DDX47: variants seen among roughly 807,000 people sequenced by gnomAD.
DDX47 encodes probable ATP-dependent RNA helicase DDX47.
Under a neutral mutation model 58.8 loss-of-function variants are expected in DDX47, and 60 were observed. The observed-to-expected ratio is 1.02, with a 90% CI of 0.83 to 1.26. DDX47 has a LOEUF of 1.26. DDX47 is among the 50% of genes most tolerant of loss of function. DDX47 has a pLI of 0.00. For missense variants in DDX47, 530 were observed against 573.2 expected (o/e 0.92, Z 0.77); for synonymous variants, 197 against 204.6 (o/e 0.96, Z 0.32).
intron 3 of DDX47, 106 bp from the exon 4 acceptor site, chr12:12,821,549 G>C: frequency 7.0e-7 from 1 of 1,426,252 alleles, no homozygotes; most frequent in Non-Finnish European, 9.8e-7. Context: ...TTAATTGTAA[G>C]GGAAGAACAA....
At position 12,829,697 on chromosome 12, in the gene DDX47, T is replaced by G; in HGVS notation, c.*143T>G. 9.3e-7 allele frequency: 1 copy of G among 1,072,440 alleles called. No individual in the cohort carries two copies. Among genetic ancestry groups the G allele is most frequent in the Non-Finnish European group, 1.3e-6 (1 of 766,092 alleles). 66.4% of individuals were successfully genotyped at this position (1,072,440 alleles called of 1,614,324 possible). A position where few individuals can be genotyped will look rare whatever the true frequency, so the allele number is the denominator to read the frequency against. ...GCTAATTCAGTATTCTTCCCCATTC[T>G]GGGTTGGAGTTTACTGCAGAGTAAT... On this transcript the variant is annotated 3_prime_UTR_variant, in exon 12 of 12. Transcript: ENST00000358007.
intron 10 of DDX47, among the ~76,000 whole-genome samples, chr12:12,826,461 T>C (rs1022545038): frequency 2.0e-5 from 3 of 152,104 alleles, no homozygotes; most frequent in African/African-American, 7.2e-5. Flanking sequence ...CTTTTTTTTT[T>C]TGTATTTGTC....
Position 12,827,268 on chromosome 12 carries a change from C to T in DDX47, c.1129C>T (p.Arg377Cys), listed in dbSNP as rs201803737. The change falls in exon 11 of 12, where the codon CGC (arginine) becomes TGC (cysteine). Residue 377 changes from arginine to cysteine, a missense_variant. By Grantham distance (180) the Arg-to-Cys change is radical. Transcript: ENST00000358007. ...VTQYDVELFQ[R>C]IEHLIGKKLP... is the part of the protein sequence containing the mutation. The stretch of plus-strand genomic sequence containing the variant: ...CAGGTATGATGTGGAACTCTTCCAG[C>T]GCATAGAACACTTAATTGGGAAGAA... The T allele has an allele frequency of 1.4e-4, 225 of 1,613,862 alleles. No homozygotes were observed. The highest frequency in any genetic ancestry group is 1.7e-4 in the Non-Finnish European group (204 of 1,179,990).
At chr12:12,824,040 G>A in intron 8 of DDX47, 24 bp downstream of exon 8, 1 of 1,608,378 alleles carries the variant, frequency 6.2e-7, no homozygotes, top group Non-Finnish European at 8.5e-7. Context: ...ATCATCATCA[G>A]CCATGCACTG....
At chr12:12,814,028 A>G (rs764459726) in intron 1 of DDX47, 103 bp from the exon 2 acceptor site, 96 of 789,826 alleles carry the variant, frequency 1.2e-4, no homozygotes, top group Non-Finnish European at 1.9e-4. Flanking sequence ...TACCTTTTAA[A>G]TCAAATACAA....
intron 3 of DDX47, 106 bp downstream of exon 3, chr12:12,821,502 A>G (rs192398283): frequency 5.4e-4 from 793 of 1,463,136 alleles, no homozygotes; most frequent in Non-Finnish European, 7.1e-4. Flanking sequence ...TTATTGACCT[A>G]AAGAGCTAAT....
intron 2 of DDX47, among the ~76,000 whole-genome samples, chr12:12,815,980 A>G (rs148924318): frequency 1.3e-5 from 2 of 152,182 alleles, no homozygotes; most frequent in African/African-American, 4.8e-5. Context: ...GGGTGGTGGT[A>G]GAATGAAAAA....
At chr12:12,814,305 T>C in intron 2 of DDX47, 81 bp downstream of exon 2, 1 of 890,888 alleles carries the variant, frequency 1.1e-6, no homozygotes, top group Non-Finnish European at 1.9e-6. Context: ...GCTTGCATAC[T>C]TCAAGTGAAA....
rs765300998 is a variant in DDX47, at chr12:12,823,215, C to G, written c.646C>G (p.Gln216Glu). The G allele has an allele frequency of 6.8e-6, 11 of 1,613,072 alleles. No individual in the cohort carries two copies. Among genetic ancestry groups the G allele is most frequent in the South Asian group, 3.3e-5 (3 of 91,066 alleles). The change falls in exon 7 of 12, where the codon CAG (glutamine) becomes GAG (glutamate). Residue 216 changes from glutamine to glutamate, a missense_variant. Transcript: ENST00000358007. Reference sequence around the variant, plus strand: ...CTTCTTCCTTCAGGTTCAAAAACTTCAGCGAGCAGCTCTGAAGAATCCTGT... The same window carrying G: ...CTTCTTCCTTCAGGTTCAAAAACTTGAGCGAGCAGCTCTGAAGAATCCTGT... ...ATMTKKVQKL[Q>E]RAALKNPVKC... is the part of the protein sequence containing the mutation.
intron 11 of DDX47, among the ~76,000 whole-genome samples, chr12:12,827,761 G>A (rs1342434050): frequency 1.3e-5 from 2 of 152,098 alleles, no homozygotes; most frequent in Non-Finnish European, 2.9e-5. Flanking sequence ...ATACCTTATG[G>A]GGTTTTATGA....
chr12:12,824,427 G>A, intron 8 of DDX47, 113 bp from the exon 9 acceptor site: 1 of 1,230,090 alleles, frequency 8.1e-7, no homozygotes. Context: ...CAAAACTTAG[G>A]GGGAAAAACC....
At chr12:12,823,402 T>C in intron 7 of DDX47, 83 bp downstream of exon 7, 1 of 856,630 alleles carries the variant, frequency 1.2e-6, no homozygotes, top group East Asian at 2.4e-5. Context: ...CTTGATTAGG[T>C]AAGAGCTGTA....
chr12:12,820,747 T>TG (rs1279418691), intron 2 of DDX47: 8 of 170,352 alleles, frequency 4.7e-5, no homozygotes, highest in Non-Finnish European at 8.7e-5. Context: ...GTGATCTGCC[T>TG]GGCTCGGCCT....
In DDX47 at chr12:12,829,726, T is replaced by C. The variant is rs951187788; in HGVS notation, c.*172T>C. 1.4e-6 allele frequency: 1 copy of C among 727,136 alleles called. No individual in the cohort carries two copies. Among genetic ancestry groups the C allele is most frequent in the Non-Finnish European group, 2.2e-6 (1 of 462,462 alleles). The allele number at this position is 727,136 out of a possible 1,614,324, so 45.0% of individuals were successfully genotyped here. ...TTGGAGTTTACTGCAGAGTAATTCT[T>C]ACAGTGCTGATGTCAAGACTGTTAC... On this transcript the variant is annotated 3_prime_UTR_variant, in exon 12 of 12. Coordinates refer to ENST00000358007, the MANE Select transcript of DDX47 (RefSeq NM_016355.4).
At position 12,827,869 on chromosome 12, in the gene DDX47, C is replaced by CTTTTTTTTTTTTTTTTTTTTTTTTT. The variant is rs1354059622; in HGVS notation, c.1236+500_1236+501insTTTTTTTTTTTTTTTTTTTTTTTTT. Among the ~76,000 whole-genome samples the CTTTTTTTTTTTTTTTTTTTTTTTTT allele has an allele frequency of 3.6e-5, 4 of 109,692 alleles. 2 individuals carry two copies. Among genetic ancestry groups the CTTTTTTTTTTTTTTTTTTTTTTTTT allele is most frequent in the Non-Finnish European group, 7.4e-5 (4 of 54,368 alleles). The allele number at this position is 109,692 out of a possible 152,430, so 72.0% of individuals were successfully genotyped here. ...TCCAAAACCAAGATCCAAAACTTTTCTTTTTTCTTTTTTTTTTTTTTTTTG... is the reference window on the plus strand; with the variant it reads ...TCCAAAACCAAGATCCAAAACTTTTCTTTTTTTTTTTTTTTTTTTTTTTTTTTTTTTCTTTTTTTTTTTTTTTTTG... On this transcript the variant is annotated intron_variant, in intron 11 of 11. Coordinates refer to ENST00000358007, the MANE Select transcript of DDX47 (RefSeq NM_016355.4).
intron 9 of DDX47, chr12:12,825,214 AC>A (rs1863035318): frequency 6.5e-6 from 1 of 152,904 alleles, no homozygotes; most frequent in Non-Finnish European, 1.5e-5. Flanking sequence ...TGATCTGCCC[AC>A]CTCGGCCTCC....
At position 12,829,697 on chromosome 12, in the gene DDX47, T is replaced by C; in HGVS notation, c.*143T>C. ...GCTAATTCAGTATTCTTCCCCATTCTGGGTTGGAGTTTACTGCAGAGTAAT... is the reference window on the plus strand; with the variant it reads ...GCTAATTCAGTATTCTTCCCCATTCCGGGTTGGAGTTTACTGCAGAGTAAT... On this transcript the variant is annotated 3_prime_UTR_variant, in exon 12 of 12. Coordinates refer to ENST00000358007, the MANE Select transcript of DDX47 (RefSeq NM_016355.4). The C allele has an allele frequency of 3.7e-6, 4 of 1,072,440 alleles. No homozygotes were observed. The highest frequency in any genetic ancestry group is 5.2e-6 in the Non-Finnish European group (4 of 766,092). The allele number at this position is 1,072,440 out of a possible 1,614,324, so 66.4% of individuals were successfully genotyped here.
intron 5 of DDX47, 79 bp from the exon 6 acceptor site, chr12:12,822,582 A>C: frequency 8.6e-7 from 1 of 1,166,812 alleles, no homozygotes; most frequent in South Asian, 1.3e-5. Flanking sequence ...GTTAGTGTCT[A>C]CCTCCTTCAC....
chr12:12,823,661 G>A, intron 7 of DDX47: 1 of 591,934 alleles, frequency 1.7e-6, no homozygotes, highest in Non-Finnish European at 3.0e-6. Flanking sequence ...TGTTTGCTGA[G>A]TACAGATCTC....
Sources: allele counts gnomAD v4.1 joint callset (sites outside exome capture counted in the v4.1 genomes callset), GRCh38; gene constraint gnomAD v4.1.1; transcripts MANE v1.5; gene names NCBI Gene and HGNC (gene_info 2026-07-23, HGNC 2026-07-21).